Variants in SI observed in about 807,000 individuals in gnomAD.
SI encodes the protein sucrase-isomaltase, intestinal.
In SI, 235 loss-of-function variants were observed where a neutral mutation model predicts 253.3. That is an observed-to-expected ratio of 0.93 (90% CI 0.83 to 1.03). The LOEUF is 1.03. SI is among the 50% of genes least tolerant of loss of function. The pLI is 0.00. For missense variants in SI, 2,442 were observed against 2,211.1 expected (o/e 1.10, Z -2.09); for synonymous variants, 819 against 712.0 (o/e 1.15, Z -2.39).
chr3:165,033,248 A>G (rs112978652), intron 23 of SI, 147 bp downstream of exon 23: 1 of 556,244 alleles, frequency 1.8e-6, no homozygotes, highest in Middle Eastern at 5.7e-4. Context: ...TTTAAATATA[A>G]CAATTTAATT....
At chr3:165,014,602 C>G (rs1718940649) in intron 33 of SI, among the ~76,000 whole-genome samples, 2 of 152,028 alleles carry the variant, frequency 1.3e-5, no homozygotes, top group African/African-American at 4.8e-5. Context: ...CTAGTTTTTA[C>G]TATGAGATTT....
At chr3:165,053,966 G>A (rs1183239125) in intron 13 of SI, among the ~76,000 whole-genome samples, 1 of 151,770 alleles carries the variant, frequency 6.6e-6, no homozygotes, top group Non-Finnish European at 1.5e-5. Flanking sequence ...AATAACTGAA[G>A]GCTTTTCATC....
At chr3:165,046,548 A>AT (rs1338776214) in intron 16 of SI, among the ~76,000 whole-genome samples, 1 of 151,480 alleles carries the variant, frequency 6.6e-6, no homozygotes, top group African/African-American at 2.4e-5. Context: ...TCACCATCTT[A>AT]TTTTTTTCTT....
intron 40 of SI, among the ~76,000 whole-genome samples, chr3:164,995,495 A>G (rs78915890): frequency 0.052 from 7,874 of 151,822 alleles, 692 homozygotes; most frequent in African/African-American, 0.18. Flanking sequence ...ACCAACTCAT[A>G]TTTAAACTTA....
chr3:164,993,860 T>G (rs1181131113), intron 41 of SI, among the ~76,000 whole-genome samples: 1 of 151,686 alleles, frequency 6.6e-6, no homozygotes, highest in Non-Finnish European at 1.5e-5. Flanking sequence ...TGGTCTCCAG[T>G]AAGACATCTG....
chr3:165,080,774 G>A (rs955766184), upstream of SI, among the ~76,000 whole-genome samples: 10 of 151,990 alleles, frequency 6.6e-5, no homozygotes, highest in African/African-American at 2.2e-4. Flanking sequence ...AGGGGGGAGG[G>A]ATAGCATTGG....
intron 47 of SI, among the ~76,000 whole-genome samples, chr3:164,980,398 G>A (rs1196149063): frequency 6.6e-6 from 1 of 151,812 alleles, no homozygotes; most frequent in African/African-American, 2.4e-5. Flanking sequence ...TAAATCAGCT[G>A]GACATAATTG....
At chr3:164,987,303 A>G in intron 44 of SI, 77 bp from the exon 45 acceptor site, 1 of 1,148,144 alleles carries the variant, frequency 8.7e-7, no homozygotes, top group African/African-American at 1.5e-5. Context: ...CATCCACATA[A>G]GGATCTATAG....
chr3:165,003,912 A>ATTT (rs1718373273), intron 37 of SI, among the ~76,000 whole-genome samples: 2 of 152,114 alleles, frequency 1.3e-5, no homozygotes, highest in Admixed American at 1.3e-4. Flanking sequence ...ACAACTAGAA[A>ATTT]ACAAATAACA....
At chr3:165,057,695 T>A (rs1713762432) in intron 12 of SI, among the ~76,000 whole-genome samples, 1 of 149,358 alleles carries the variant, frequency 6.7e-6, no homozygotes. Flanking sequence ...TTTAAAATGC[T>A]GTAGAGAAAA....
chr3:165,072,284 A>G (rs921366577), intron 3 of SI, among the ~76,000 whole-genome samples: 3 of 152,052 alleles, frequency 2.0e-5, no homozygotes, highest in Admixed American at 6.6e-5. Flanking sequence ...GAGTAAGTGT[A>G]TATATTTAAG....
At chr3:165,011,777 A>T (rs1274740336) in intron 34 of SI, among the ~76,000 whole-genome samples, 5 of 147,386 alleles carry the variant, frequency 3.4e-5, no homozygotes, top group Non-Finnish European at 7.5e-5. Context: ...TTTATTATTT[A>T]TTATTATTAT....
In SI at chr3:165,074,638, T is replaced by A; in HGVS notation, c.148A>T (p.Thr50Ser). ...GAAGGATTTGTAGTCACACGAGTAGTAGCTGGAGTTGAAGTAGAATCACTA... is the reference window on the plus strand; with the variant it reads ...GAAGGATTTGTAGTCACACGAGTAGAAGCTGGAGTTGAAGTAGAATCACTA... ...EISDSTSTPA[T>S]TRVTTNPSDS... The change falls in exon 3 of 48, where the codon ACT becomes TCT. Residue 50 changes from threonine to serine, a missense_variant. Coordinates refer to ENST00000264382, the MANE Select transcript of SI (RefSeq NM_001041.4). 3 of 1,610,326 alleles carry A rather than the reference T, an allele frequency of 1.9e-6. No homozygotes were observed. The highest frequency in any genetic ancestry group is 2.5e-6 in the Non-Finnish European group (3 of 1,177,332).
At chr3:164,989,100 A>G (rs1462499819) in intron 44 of SI, among the ~76,000 whole-genome samples, 1 of 149,172 alleles carries the variant, frequency 6.7e-6, no homozygotes, top group East Asian at 1.9e-4. Context: ...ATAAATAAAT[A>G]AATAAATACA....
At chr3:165,061,210 A>G (rs1049670651) in intron 9 of SI, among the ~76,000 whole-genome samples, 18 of 152,016 alleles carry the variant, frequency 1.2e-4, no homozygotes, top group African/African-American at 3.6e-4. Flanking sequence ...ATATGTAACA[A>G]TATTCTTTTT....
chr3:165,072,173 A>T (rs1027801370), intron 3 of SI, among the ~76,000 whole-genome samples: 1 of 152,004 alleles, frequency 6.6e-6, no homozygotes, highest in Non-Finnish European at 1.5e-5. Context: ...TAAATTAAGG[A>T]AATTTTTAGA....
At chr3:165,083,699 G>T in the SI span, among the ~76,000 whole-genome samples, 1 of 151,984 alleles carries the variant, frequency 6.6e-6, no homozygotes, top group Non-Finnish European at 1.5e-5. Flanking sequence ...TATGGATCTA[G>T]AAGTTCTTAG....
At chr3:165,054,927 AC>A (rs1713621560) in intron 13 of SI, among the ~76,000 whole-genome samples, 1 of 152,162 alleles carries the variant, frequency 6.6e-6, no homozygotes, top group Non-Finnish European at 1.5e-5. Flanking sequence ...TCATAAAGGA[AC>A]AAAACCTTGC....
At chr3:165,045,786 T>G (rs918557846) in intron 16 of SI, among the ~76,000 whole-genome samples, 3 of 151,870 alleles carry the variant, frequency 2.0e-5, no homozygotes, top group Admixed American at 1.3e-4. Flanking sequence ...GGTTGTTTTT[T>G]TTTTTCAATT....
Sources: allele counts gnomAD v4.1 joint callset (sites outside exome capture counted in the v4.1 genomes callset), GRCh38; gene constraint gnomAD v4.1.1; transcripts MANE v1.5; gene names NCBI Gene and HGNC (gene_info 2026-07-23, HGNC 2026-07-21).